Variants in STX12 observed in about 807,000 individuals in gnomAD.
STX12 encodes syntaxin 12.
Under a neutral mutation model 42.2 loss-of-function variants are expected in STX12, and 17 were observed. The observed-to-expected ratio is 0.40, with a 90% CI of 0.28 to 0.60. The LOEUF (loss-of-function observed/expected upper bound fraction) is 0.60. Ranked by LOEUF, STX12 falls within the 20% of genes least tolerant of loss-of-function variation. STX12 has a pLI of 0.39. For missense variants in STX12, 297 were observed against 330.9 expected (o/e 0.90, Z 0.79); for synonymous variants, 108 against 116.7 (o/e 0.93, Z 0.48).
At position 27,806,802 on chromosome 1, in the gene STX12, T is replaced by C. The variant is rs1221972019; in HGVS notation, c.427-3444T>C. On this transcript the variant is annotated intron_variant, in intron 4 of 8. Coordinates refer to ENST00000373943, the MANE Select transcript of STX12 (RefSeq NM_177424.3). ...ATAGGCCTCAGGAAACTTACAACCA[T>C]GGTAGAAAGCTAAGGGGAGGCAAGG... is the stretch of plus-strand genomic sequence containing the variant. 2.6e-5 allele frequency among the ~76,000 whole-genome samples: 4 copies of C among 152,100 alleles called. No homozygotes were observed. The East Asian group carries it at 5.8e-4, about 22-fold the overall frequency.
At chr1:27,781,682 T>C (rs1213797888) in intron 1 of STX12, among the ~76,000 whole-genome samples, 1 of 152,108 alleles carries the variant, frequency 6.6e-6, no homozygotes. Context: ...CGCACTTATA[T>C]TATATATTCT....
intron 1 of STX12, among the ~76,000 whole-genome samples, chr1:27,778,362 T>C (rs1472912896): frequency 6.6e-6 from 1 of 152,166 alleles, no homozygotes; most frequent in African/African-American, 2.4e-5. Flanking sequence ...GCTGAAAACC[T>C]ATTAGCCTCA....
In STX12 at chr1:27,819,609, A is replaced by G. The variant is rs752223005; in HGVS notation, c.650-41A>G. ...TCTGTTCAATTTGCAGTCTTAAAAC[A>G]TCTGAGTGTGTTAAAACATCCTCTG... On this transcript the variant is annotated intron_variant, in intron 7 of 8. Coordinates refer to ENST00000373943, the MANE Select transcript of STX12 (RefSeq NM_177424.3). 21 of 1,570,400 alleles carry G rather than the reference A, an allele frequency of 1.3e-5. No individual in the cohort carries two copies. The South Asian group carries it at 2.4e-4, about 18-fold the overall frequency.
intron 8 of STX12, 52 bp downstream of exon 8, chr1:27,819,784 A>G (rs2088972328): frequency 1.3e-6 from 2 of 1,493,810 alleles, no homozygotes; most frequent in Non-Finnish European, 1.9e-6. Flanking sequence ...TTTTTAGGCC[A>G]TCAGAGTACA....
At chr1:27,813,865 C>T (rs1054231144) in intron 6 of STX12, among the ~76,000 whole-genome samples, 1 of 152,158 alleles carries the variant, frequency 6.6e-6, no homozygotes, top group Non-Finnish European at 1.5e-5. Flanking sequence ...GGTTGAGACC[C>T]ACTGCCCTAA....
intron 1 of STX12, among the ~76,000 whole-genome samples, chr1:27,787,036 T>C (rs997154230): frequency 6.6e-5 from 10 of 152,216 alleles, no homozygotes; most frequent in African/African-American, 2.4e-4. Context: ...CCTCACTTAG[T>C]AGAATAGATA....
At position 27,773,322 on chromosome 1, in the gene STX12, C is replaced by G; in HGVS notation, c.15C>G (p.Pro5=). Reference sequence around the variant, plus strand: ...AGCTCCTCGTCATGTCATACGGTCCCTTAGACATGTACCGGAACCCGGGGC... The same window carrying G: ...AGCTCCTCGTCATGTCATACGGTCCGTTAGACATGTACCGGAACCCGGGGC... MSYG[P]LDMYRNPGPS... Residue 5 remains proline, a synonymous_variant, in exon 1 of 9, where the codon CCC becomes CCG. Transcript: ENST00000373943. 1 of 1,609,900 alleles carries G rather than the reference C, an allele frequency of 6.2e-7. No homozygotes were observed. The highest frequency in any genetic ancestry group is 8.5e-7 in the Non-Finnish European group (1 of 1,177,550).
chr1:27,808,062 A>C (rs1233019432), intron 4 of STX12, among the ~76,000 whole-genome samples: 2 of 152,178 alleles, frequency 1.3e-5, no homozygotes, highest in Non-Finnish European at 2.9e-5. Context: ...GATACTTTAA[A>C]AGGGAGGGAT....
rs2088829652 is a variant in STX12, at chr1:27,801,747, G to C, written c.358G>C (p.Val120Leu). The C allele has an allele frequency of 6.3e-7, 1 of 1,595,058 alleles. No homozygotes were observed. The highest frequency in any genetic ancestry group is 1.8e-5 in the Admixed American group (1 of 55,784). The stretch of plus-strand genomic sequence containing the variant: ...TGCAGCCTTAAACAATTTCCAGGCT[G>C]TGCAGAGAAGGGTATCTGAAAAGGA... ...FSAALNNFQA[V>L]QRRVSEKEKE... Residue 120 changes from valine to leucine, a missense_variant, in exon 4 of 9, where the codon GTG becomes CTG. Physicochemically the swap from Val to Leu is conservative, Grantham distance 32. Coordinates refer to ENST00000373943, the MANE Select transcript of STX12 (RefSeq NM_177424.3).
At chr1:27,774,541 T>C (rs1349514463) in intron 1 of STX12, among the ~76,000 whole-genome samples, 2 of 152,170 alleles carry the variant, frequency 1.3e-5, no homozygotes, top group African/African-American at 4.8e-5. Context: ...TTCTTTTTTG[T>C]AGAGATGAAG....
At chr1:27,779,333 GT>G (rs201348411) in intron 1 of STX12, among the ~76,000 whole-genome samples, 2 of 131,690 alleles carry the variant, frequency 1.5e-5, no homozygotes, top group East Asian at 2.0e-4. Context: ...TTTTGTTTTT[GT>G]TTTTTTTTGT....
At chr1:27,814,713 G>A (rs1444821861) in intron 6 of STX12, among the ~76,000 whole-genome samples, 1 of 151,868 alleles carries the variant, frequency 6.6e-6, no homozygotes, top group Non-Finnish European at 1.5e-5. Flanking sequence ...AGCCGGGTGT[G>A]GTGGTGCATG....
chr1:27,816,556 A>T (rs1475953869), intron 6 of STX12, among the ~76,000 whole-genome samples: 1 of 145,382 alleles, frequency 6.9e-6, no homozygotes. Flanking sequence ...CTGTAATCCC[A>T]GCATTTTGGG....
At chr1:27,821,427 G>A (rs1239953844) in intron 8 of STX12, among the ~76,000 whole-genome samples, 1 of 151,704 alleles carries the variant, frequency 6.6e-6, no homozygotes, top group Admixed American at 6.6e-5. Flanking sequence ...CATTAAGTGA[G>A]GAAAAACATC....
intron 6 of STX12, among the ~76,000 whole-genome samples, chr1:27,816,742 C>A (rs1008255861): frequency 6.6e-6 from 1 of 151,474 alleles, no homozygotes; most frequent in Non-Finnish European, 1.5e-5. Context: ...CATGGTGAAA[C>A]CCCGTCTCTA....
intron 2 of STX12, among the ~76,000 whole-genome samples, chr1:27,790,881 C>T (rs775788683): frequency 3.3e-5 from 5 of 152,026 alleles, no homozygotes; most frequent in African/African-American, 4.8e-5. Context: ...GCGGAGGTTG[C>T]GGTGAGCCAA....
intron 8 of STX12, among the ~76,000 whole-genome samples, 192 bp from the exon 9 acceptor site, chr1:27,822,039 C>T (rs2088988274): frequency 6.6e-6 from 1 of 151,534 alleles, no homozygotes; most frequent in South Asian, 2.1e-4. Flanking sequence ...AAACACCAAA[C>T]AAACAAAAAA....
intron 4 of STX12, among the ~76,000 whole-genome samples, chr1:27,807,289 C>T (rs1196682148): frequency 6.6e-6 from 1 of 152,104 alleles, no homozygotes; most frequent in East Asian, 1.9e-4. Context: ...CTATCAAATA[C>T]TAGGTCCTAT....
intron 2 of STX12, among the ~76,000 whole-genome samples, chr1:27,792,365 T>G (rs2088755675): frequency 6.9e-6 from 1 of 145,944 alleles, no homozygotes; most frequent in Non-Finnish European, 1.5e-5. Flanking sequence ...TATATGTATA[T>G]ATATATCAAG....
Sources: allele counts gnomAD v4.1 joint callset (sites outside exome capture counted in the v4.1 genomes callset), GRCh38; gene constraint gnomAD v4.1.1; transcripts MANE v1.5; gene names NCBI Gene and HGNC (gene_info 2026-07-23, HGNC 2026-07-21).